Variants in PITPNM1 observed in about 807,000 individuals in gnomAD.
PITPNM1 encodes the protein membrane-associated phosphatidylinositol transfer protein 1.
PITPNM1 carries 74 observed loss-of-function variants against 133.3 expected under a neutral mutation model. The ratio of observed to expected loss-of-function variants is 0.56; its 90% CI spans 0.46 to 0.67. The LOEUF (loss-of-function observed/expected upper bound fraction) is 0.67, where lower values mean the gene tolerates loss of function less well. Among genes scored for constraint, PITPNM1 ranks in the 30% least tolerant of loss-of-function variants. PITPNM1 has a pLI of 0.00. For synonymous variants in PITPNM1, 738 were observed against 741.4 expected, an observed-to-expected ratio of 1.00 and a Z score of 0.08; for missense variants, 1,398 against 1,739.5, an observed-to-expected ratio of 0.80 and a Z score of 3.49.
chr11:67,494,766 C>A (rs1243349113), intron 18 of PITPNM1, 80 bp downstream of exon 18: 3 of 598,050 alleles, frequency 5.0e-6, no homozygotes, highest in Non-Finnish European at 7.8e-6. Flanking sequence ...GAGGGGGGTG[C>A]TGGGGGGAGG....
Position 67,498,330 on chromosome 11 carries a change from AG to A in PITPNM1, c.1485-9del. The A allele has an allele frequency of 1.3e-6, 2 of 1,555,658 alleles. No individual in the cohort carries two copies. The highest frequency in any genetic ancestry group is 1.7e-6 in the Non-Finnish European group (2 of 1,149,884). On this transcript the variant is annotated splice_polypyrimidine_tract_variant and intron_variant, in intron 10 of 23. Coordinates refer to ENST00000356404, the MANE Select transcript of PITPNM1 (RefSeq NM_004910.3). This position sits in a 1 kb window ranked among gnomAD's most constrained non-coding sequence, Gnocchi z 5.7. The stretch of plus-strand genomic sequence containing the variant: ...TGGCTGTAAGGGCTCAGGCTGTAGG[AG>A]GGGGAAATGTGCGTGGGTGAGGGGC...
intron 5 of PITPNM1, 55 bp from the exon 6 acceptor site, chr11:67,500,476 A>T: frequency 6.5e-7 from 1 of 1,530,392 alleles, no homozygotes; most frequent in African/African-American, 1.4e-5. Context: ...CTGCCACCGC[A>T]GCTACATGCC....
intron 21 of PITPNM1, 30 bp downstream of exon 21, chr11:67,493,658 A>G (rs1027975573): frequency 9.7e-6 from 15 of 1,545,368 alleles, no homozygotes; most frequent in East Asian, 2.4e-5. Flanking sequence ...CCCCGGTGAA[A>G]TGGGTGGTGG....
rs199607704 is a variant in PITPNM1 at position 67,498,856 on chromosome 11, A to T, written c.1234-10T>A. The T allele has an allele frequency of 1.2e-6, 2 of 1,608,974 alleles. No homozygotes were observed. Among genetic ancestry groups the T allele is most frequent in the Non-Finnish European group, 1.7e-6 (2 of 1,176,726 alleles). On this transcript the variant is annotated splice_polypyrimidine_tract_variant and intron_variant, in intron 9 of 23. Coordinates refer to ENST00000356404, the MANE Select transcript of PITPNM1 (RefSeq NM_004910.3). The surrounding 1 kb of genome is among the most constrained non-coding windows in gnomAD (Gnocchi z 5.7). ...CGGCTCCATCCAGGCCCTGGGGGGA[A>T]CAATGGGGTGCAGTGGGTGTCACAG...
chr11:67,496,951 G>T, intron 14 of PITPNM1: 2 of 304,778 alleles, frequency 6.6e-6, no homozygotes, highest in African/African-American at 2.2e-5. Flanking sequence ...AAAAAAGGCT[G>T]AGAAGAGGGC....
chr11:67,494,979 C>T (rs1416843254), intron 17 of PITPNM1, 23 bp from the exon 18 acceptor site: 2 of 1,609,928 alleles, frequency 1.2e-6, no homozygotes, highest in East Asian at 2.2e-5. Flanking sequence ...GGGGGCGAGG[C>T]CTCTGTCTCT....
chr11:67,503,540 GC>G (rs1392733884), intron 2 of PITPNM1, among the ~76,000 whole-genome samples: 1 of 152,182 alleles, frequency 6.6e-6, no homozygotes, highest in Admixed American at 6.5e-5. Flanking sequence ...CGGGGTCCGG[GC>G]CCTCTTGCTT....
Position 67,494,951 on chromosome 11 carries a change from G to C in PITPNM1, c.2637C>G (p.Ile879Met), listed in dbSNP as rs777856464. The C allele has an allele frequency of 2.5e-6, 4 of 1,612,506 alleles. No individual in the cohort carries two copies. Among genetic ancestry groups the C allele is most frequent in the Middle Eastern group, 1.7e-4 (1 of 6,056 alleles). ...DVVAFILRQVIEKERPQLAEC... is the reference protein window; with the variant it reads ...DVVAFILRQVMEKERPQLAEC... ...CCGCCAGCTGTGGCCGCTCCTTCTC[G>C]ATCACCTGCACGGGACAGGGGGCGA... Residue 879 changes from isoleucine to methionine, a missense_variant, in exon 18 of 24, where the codon ATC (isoleucine) becomes ATG (methionine). By Grantham distance (10) the Ile-to-Met change is conservative. Transcript: ENST00000356404.
At chr11:67,494,223 A>T (rs1866031549) in intron 19 of PITPNM1, 21 bp downstream of exon 19, 2 of 1,602,262 alleles carry the variant, frequency 1.2e-6, no homozygotes, top group Non-Finnish European at 1.7e-6. Context: ...GGACCAGGCG[A>T]CAGGGCCTCT....
chr11:67,500,457 C>G (rs1265346579), intron 5 of PITPNM1, 36 bp from the exon 6 acceptor site: 1 of 1,566,770 alleles, frequency 6.4e-7, no homozygotes, highest in Non-Finnish European at 8.7e-7. Flanking sequence ...GCCCCCTCCC[C>G]CTGCTTCCCT....
At chr11:67,496,418 TGTGGGAGCAGC>T (rs1372636590) in intron 14 of PITPNM1, 70 bp from the exon 15 acceptor site, 1 of 1,412,712 alleles carries the variant, frequency 7.1e-7, no homozygotes, top group East Asian at 2.6e-5. Flanking sequence ...AGGTAGGGGG[TGTGGGAGCAGC>T]ACCCTGATGT....
rs750263786 is a variant in PITPNM1, at chr11:67,492,149, G to A, written c.3619C>T (p.Leu1207=). ...TGGCTGGGGCCCCTCGAGCGAAGCAGCTGGCTCTGTTTGCGCAGGAAGTCC... is the reference window on the plus strand; with the variant it reads ...TGGCTGGGGCCCCTCGAGCGAAGCAACTGGCTCTGTTTGCGCAGGAAGTCC... The part of the protein sequence containing the change: ...PVDFLRKQSQ[L]LRSRGPSQAE... Residue 1207 remains leucine, a synonymous_variant, in exon 24 of 24, where the codon CTG becomes TTG. Coordinates refer to ENST00000356404, the MANE Select transcript of PITPNM1 (RefSeq NM_004910.3). The A allele has an allele frequency of 6.2e-7, 1 of 1,611,720 alleles. No homozygotes were observed. The highest frequency in any genetic ancestry group is 1.7e-5 in the Admixed American group (1 of 60,022).
Position 67,502,319 on chromosome 11 carries a change from C to T in PITPNM1, c.388G>A (p.Gly130Arg), listed in dbSNP as rs199936149. Residue 130 changes from glycine to arginine, a missense_variant, in exon 4 of 24, where the codon GGG (glycine) becomes AGG (arginine). Around this residue, in one of 5 missense-constraint regions of PITPNM1, gnomAD observed 274 missense variants for 360.7 expected, o/e 0.76. Transcript: ENST00000356404. This position sits in a 1 kb window ranked among gnomAD's most constrained non-coding sequence, Gnocchi z 5.9. ...AGGATGCGCTGTCTCCTCTCGGCCCCGCTCAGGTTGAAGACGTTTGGCTGC... is the reference window on the plus strand; with the variant it reads ...AGGATGCGCTGTCTCCTCTCGGCCCTGCTCAGGTTGAAGACGTTTGGCTGC... The part of the protein sequence containing the change: ...GQQPNVFNLS[G>R]AERRQRILDT... The T allele has an allele frequency of 1.4e-5, 23 of 1,613,546 alleles. No homozygotes were observed. The highest frequency in any genetic ancestry group is 2.2e-5 in the East Asian group (1 of 44,886).
Position 67,498,765 on chromosome 11 carries a change from G to A in PITPNM1, c.1315C>T (p.Leu439=). The change falls in exon 10 of 24, where the codon CTG becomes TTG. Residue 439 remains leucine (L), a synonymous_variant. Transcript: ENST00000356404. The surrounding 1 kb of genome is among the most constrained non-coding windows in gnomAD (Gnocchi z 5.7). ...LFLILHSGNI[L]DSGPGDANSK... ...TTGGCGTCTCCAGGGCCTGAGTCCA[G>A]GATGTTGCCGCTGTGCAGGATAAGG... The A allele has an allele frequency of 6.2e-7, 1 of 1,612,196 alleles. No individual in the cohort carries two copies. The highest frequency in any genetic ancestry group is 8.5e-7 in the Non-Finnish European group (1 of 1,180,002).
chr11:67,499,878 G>A, intron 7 of PITPNM1, 36 bp downstream of exon 7: 1 of 1,598,422 alleles, frequency 6.3e-7, no homozygotes, highest in Non-Finnish European at 8.6e-7. Context: ...GCTGCTCGGG[G>A]ACATCCCCAC....
At position 67,491,881 on chromosome 11, in the gene PITPNM1, A is replaced by C; in HGVS notation, c.*152T>G. On this transcript the variant is annotated 3_prime_UTR_variant, in exon 24 of 24. Transcript: ENST00000356404. ...CGCTGGGTCCCCTCATATGAAAGGG[A>C]AGTAACACCGAGGAGCACACGGAGA... The C allele has an allele frequency of 3.6e-6, 3 of 822,198 alleles. No homozygotes were observed. The highest frequency in any genetic ancestry group is 3.7e-6 in the Non-Finnish European group (2 of 541,166). The allele number at this position is 822,198 out of a possible 1,614,324, so 50.9% of individuals were successfully genotyped here.
chr11:67,502,652 T>C lies in PITPNM1; in HGVS notation c.145A>G (p.Thr49Ala), dbSNP rs878915196. The C allele has an allele frequency of 6.2e-7, 1 of 1,613,422 alleles. No individual in the cohort carries two copies. The highest frequency in any genetic ancestry group is 8.5e-7 in the Non-Finnish European group (1 of 1,179,992). ...GVEILANRPY[T>A]DGPGGSGQYT... Reference sequence around the variant, plus strand: ...TGCCCGCTGCCCCCGGGCCCATCCGTGTAGGGCCGGTTGGCCAGGATCTCC... The same window carrying C: ...TGCCCGCTGCCCCCGGGCCCATCCGCGTAGGGCCGGTTGGCCAGGATCTCC... The change falls in exon 3 of 24, where the codon ACG becomes GCG. Residue 49 changes from threonine to alanine, a missense_variant. This residue lies in a region of PITPNM1 where 274 missense variants were observed against 360.7 expected (regional missense o/e 0.76). Coordinates refer to ENST00000356404, the MANE Select transcript of PITPNM1 (RefSeq NM_004910.3). The surrounding 1 kb of genome is among the most constrained non-coding windows in gnomAD (Gnocchi z 5.9).
In PITPNM1 at chr11:67,493,783, C is replaced by T. The variant is rs1449448649; in HGVS notation, c.3063G>A (p.Glu1021=). The T allele has an allele frequency of 6.5e-6, 10 of 1,549,976 alleles. No homozygotes were observed. The highest frequency in any genetic ancestry group is 8.7e-6 in the Non-Finnish European group (10 of 1,147,816). ...AGCCGTCGATGCTGAAGACCACAGCCTCCGTGCCGCGGGCCACCACAGTCA... is the reference window on the plus strand; with the variant it reads ...AGCCGTCGATGCTGAAGACCACAGCTTCCGTGCCGCGGGCCACCACAGTCA... ...CCLTVVARGT[E]AVVFSIDGSF... The change falls in exon 21 of 24, where the codon GAG becomes GAA. Residue 1021 remains glutamate, a synonymous_variant. Transcript: ENST00000356404.
In PITPNM1 at chr11:67,496,175, T is replaced by A. The variant is rs757668115; in HGVS notation, c.2317+3A>T. On this transcript the variant is annotated splice_donor_region_variant and intron_variant, in intron 15 of 23. Transcript: ENST00000356404. ...CTCCCCTTTATCTTGTTTGGGGGCG[T>A]ACCCAGCAGCAGGGATGAGCCATCT... The A allele has an allele frequency of 6.6e-7, 1 of 1,516,734 alleles. No individual in the cohort carries two copies. The highest frequency in any genetic ancestry group is 1.5e-5 in the African/African-American group (1 of 68,760). The allele number at this position is 1,516,734 out of a possible 1,614,324, so 94.0% of individuals were successfully genotyped here. A position where few individuals can be genotyped will look rare whatever the true frequency, so the allele number is the denominator to read the frequency against.
Sources: allele counts gnomAD v4.1 joint callset (sites outside exome capture counted in the v4.1 genomes callset), GRCh38; gene constraint gnomAD v4.1.1; regional missense constraint gnomAD v4.1.1; non-coding constraint Gnocchi (gnomAD v3.1); transcripts MANE v1.5; gene names NCBI Gene and HGNC (gene_info 2026-07-23, HGNC 2026-07-21).